NEXMIF: variants seen among roughly 807,000 people sequenced by gnomAD.
NEXMIF encodes the protein neurite extension and migration factor.
Under a neutral mutation model 62.1 loss-of-function variants are expected in NEXMIF, and 8 were observed. The ratio of observed to expected loss-of-function variants is 0.13; its 90% CI spans 0.08 to 0.23. The LOEUF (loss-of-function observed/expected upper bound fraction) is 0.23. Ranked by LOEUF, NEXMIF falls within the 10% of genes least tolerant of loss-of-function variation. The pLI is 1.00. For synonymous variants in NEXMIF, 404 were observed against 416.6 expected (o/e 0.97, Z 0.37); for missense variants, 976 against 1,113.3 (o/e 0.88, Z 1.75).
At chrX:74,812,819 G>A (rs59408939) in intron 1 of NEXMIF, among the ~76,000 whole-genome samples, 22 of 111,924 alleles carry the variant, frequency 2.0e-4, no homozygotes, top group Non-Finnish European at 3.8e-4. Context: ...GACCTTAAAT[G>A]CTTGTCCAAG....
intron 1 of NEXMIF, among the ~76,000 whole-genome samples, chrX:74,887,901 G>A (rs2080702308): frequency 8.9e-6 from 1 of 112,091 alleles, no homozygotes; most frequent in Non-Finnish European, 1.9e-5. Flanking sequence ...CAACCCAAAT[G>A]TCCAACAATG....
chrX:74,876,093 T>C (rs1002301077), intron 1 of NEXMIF, among the ~76,000 whole-genome samples: 6 of 111,675 alleles, frequency 5.4e-5, no homozygotes. Flanking sequence ...AGGGTGTCAA[T>C]TTTGGATCTT....
At chrX:74,894,489 A>T (rs1489251661) in intron 1 of NEXMIF, among the ~76,000 whole-genome samples, 1 of 111,465 alleles carries the variant, frequency 9.0e-6, no homozygotes, top group African/African-American at 3.3e-5. Flanking sequence ...TTATTCTATG[A>T]GGTCAGTAAT....
At chrX:74,889,264 A>G (rs902083103) in intron 1 of NEXMIF, among the ~76,000 whole-genome samples, 4 of 110,877 alleles carry the variant, frequency 3.6e-5, no homozygotes, top group Admixed American at 1.9e-4. Context: ...GAAAGTGAAA[A>G]CCACAGTGAG....
At chrX:74,854,331 G>C (rs1342935621) in intron 1 of NEXMIF, among the ~76,000 whole-genome samples, 1 of 112,055 alleles carries the variant, frequency 8.9e-6, no homozygotes, top group African/African-American at 3.2e-5. Context: ...ACAATAATAT[G>C]ATAATCTCAA....
chrX:74,853,559 C>T, intron 1 of NEXMIF, among the ~76,000 whole-genome samples: 1 of 110,373 alleles, frequency 9.1e-6, no homozygotes, highest in African/African-American at 3.3e-5. Flanking sequence ...CATATCTATG[C>T]CTGACTTCTC....
intron 1 of NEXMIF, among the ~76,000 whole-genome samples, chrX:74,813,515 G>A (rs73625827): frequency 0.011 from 1,258 of 112,141 alleles, 20 homozygotes; most frequent in African/African-American, 0.039. Context: ...AATGGGTAAA[G>A]TTGAAACCAG....
At chrX:74,852,436 A>G (rs1004095112) in intron 1 of NEXMIF, among the ~76,000 whole-genome samples, 1 of 112,122 alleles carries the variant, frequency 8.9e-6, no homozygotes, top group Admixed American at 9.5e-5. Context: ...ATAAAGAAAC[A>G]TTGGATTTAA....
chrX:74,800,483 C>T (rs2080326373), intron 1 of NEXMIF, among the ~76,000 whole-genome samples: 1 of 110,338 alleles, frequency 9.1e-6, no homozygotes, highest in South Asian at 3.9e-4. Context: ...TGAGTTTTTA[C>T]AGACACATGC....
At chrX:74,791,718 G>A (rs1044485394) in intron 1 of NEXMIF, among the ~76,000 whole-genome samples, 1 of 110,157 alleles carries the variant, frequency 9.1e-6, no homozygotes, top group East Asian at 2.9e-4. Context: ...GAGTGTATGT[G>A]ACGAGGAATT....
chrX:74,794,602 G>A (rs781205756), intron 1 of NEXMIF, among the ~76,000 whole-genome samples: 1,177 of 112,038 alleles, frequency 0.011, 17 homozygotes, highest in African/African-American at 0.035. Context: ...GTTTGATCTC[G>A]GACTGCTGTG....
rs2080083198 is a variant in NEXMIF at position 74,735,649 on chromosome X, C to A, written c.*3756G>T. 8.9e-6 allele frequency: 1 copy of A among 111,965 alleles called. No individual in the cohort carries two copies. Among genetic ancestry groups the A allele is most frequent in the African/African-American group, 3.3e-5 (1 of 30,737 alleles). 9.2% of individuals were successfully genotyped at this position (111,965 alleles called of 1,213,427 possible). ...GAAGGTGAAAGTTGTCACAAAAGCC[C>A]AGCTAGCACCAAGGACTTCAGTGAG... On this transcript the variant is annotated 3_prime_UTR_variant, in exon 4 of 4. Transcript: ENST00000055682.
At chrX:74,846,457 C>T (rs2080492163) in intron 1 of NEXMIF, among the ~76,000 whole-genome samples, 2 of 111,669 alleles carry the variant, frequency 1.8e-5, no homozygotes, top group Non-Finnish European at 3.8e-5. Context: ...CTCTCAATAC[C>T]ACTTATTTCT....
chrX:74,790,736 C>A (rs778756096), intron 1 of NEXMIF, among the ~76,000 whole-genome samples: 67 of 113,474 alleles, frequency 5.9e-4, no homozygotes, highest in Non-Finnish European at 9.8e-4. Flanking sequence ...CTCTTTGAAG[C>A]AATTGCGAAT....
intron 1 of NEXMIF, among the ~76,000 whole-genome samples, chrX:74,779,522 G>A (rs146442388): frequency 2.2e-4 from 24 of 111,371 alleles, no homozygotes; most frequent in Non-Finnish European, 4.3e-4. Context: ...TCTATAATCT[G>A]GCTCTATCAT....
intron 1 of NEXMIF, among the ~76,000 whole-genome samples, chrX:74,824,266 T>C (rs918285859): frequency 8.9e-6 from 1 of 111,891 alleles, no homozygotes; most frequent in Non-Finnish European, 1.9e-5. Context: ...CTTTTGACTA[T>C]CATCTCCCCA....
intron 1 of NEXMIF, among the ~76,000 whole-genome samples, chrX:74,884,154 A>G (rs920167778): frequency 8.9e-6 from 1 of 112,021 alleles, no homozygotes; most frequent in Non-Finnish European, 1.9e-5. Flanking sequence ...AGCACTAAAC[A>G]TGGAAAGGAA....
At chrX:74,796,448 C>A in intron 1 of NEXMIF, among the ~76,000 whole-genome samples, 1 of 102,934 alleles carries the variant, frequency 9.7e-6, no homozygotes, top group East Asian at 3.0e-4. Context: ...AATGACCACT[C>A]CTAGATCTTG....
chrX:74,872,713 G>A (rs1476968062), intron 1 of NEXMIF, among the ~76,000 whole-genome samples: 1 of 109,385 alleles, frequency 9.1e-6, no homozygotes, highest in Admixed American at 9.8e-5. Context: ...AATGCTTGAG[G>A]TGATGGCTAG....
Sources: allele counts gnomAD v4.1 joint callset (sites outside exome capture counted in the v4.1 genomes callset), GRCh38; gene constraint gnomAD v4.1.1; transcripts MANE v1.5; gene names NCBI Gene and HGNC (gene_info 2026-07-23, HGNC 2026-07-21).